The following SV2C variants were observed in gnomAD, a reference collection of about 807,000 sequenced individuals.
SV2C encodes the protein solute carrier family 22 member B3.
A neutral mutation model predicts 79.7 loss-of-function variants in SV2C; 49 were observed. The observed-to-expected ratio is 0.61, with a 90% CI of 0.49 to 0.78. The LOEUF (loss-of-function observed/expected upper bound fraction) is 0.78. SV2C is among the 30% of genes least tolerant of loss of function. The pLI is 0.00. For missense variants in SV2C, 833 were observed against 912.9 expected (o/e 0.91, Z 1.13); for synonymous variants, 334 against 333.2 (o/e 1.00, Z -0.03).
chr5:76,000,079 G>A, the SV2C span, among the ~76,000 whole-genome samples: 25 of 152,048 alleles, frequency 1.6e-4, no homozygotes, highest in Middle Eastern at 3.4e-3. Context: ...GGTTGATGTC[G>A]ACCCATATAG....
chr5:76,116,946 G>A (rs757020184), intron 1 of SV2C, among the ~76,000 whole-genome samples: 1 of 152,160 alleles, frequency 6.6e-6, no homozygotes, highest in Non-Finnish European at 1.5e-5. Context: ...AGTTGCTCCT[G>A]TACATACTTT....
the SV2C span, among the ~76,000 whole-genome samples, chr5:75,984,959 G>A: frequency 2.4e-4 from 36 of 151,968 alleles, no homozygotes; most frequent in African/African-American, 8.0e-4. Context: ...GTGCTTGATT[G>A]CTGTCTTAGT....
At chr5:76,041,780 A>C in the SV2C span, among the ~76,000 whole-genome samples, 5 of 152,200 alleles carry the variant, frequency 3.3e-5, no homozygotes, top group African/African-American at 9.7e-5. Context: ...TCCATTGTGC[A>C]TCAGGGTTGA....
chr5:75,976,296 T>G, the SV2C span, among the ~76,000 whole-genome samples: 1 of 151,506 alleles, frequency 6.6e-6, no homozygotes, highest in East Asian at 1.9e-4. Context: ...TCTCTCTTTC[T>G]CTCTCTCTCT....
At chr5:76,073,811 G>A in the SV2C span, among the ~76,000 whole-genome samples, 22 of 152,058 alleles carry the variant, frequency 1.4e-4, no homozygotes, top group Admixed American at 8.5e-4. Context: ...CACTGCTCGC[G>A]TGATGGGTGC....
the SV2C span, among the ~76,000 whole-genome samples, chr5:76,007,970 G>T: frequency 2.0e-5 from 3 of 152,146 alleles, no homozygotes. Context: ...CCTGGGTCAA[G>T]GTCCATAAAG....
the SV2C span, among the ~76,000 whole-genome samples, chr5:75,868,045 T>C: frequency 6.6e-6 from 1 of 152,184 alleles, no homozygotes; most frequent in African/African-American, 2.4e-5. Context: ...GCACAGGATA[T>C]GTGAGGAACA....
chr5:76,145,281 A>G (rs1026604789), intron 2 of SV2C, among the ~76,000 whole-genome samples: 5 of 152,234 alleles, frequency 3.3e-5, no homozygotes, highest in South Asian at 2.1e-4. Flanking sequence ...TCAATAAGGT[A>G]CTTACTTCAA....
intron 4 of SV2C, among the ~76,000 whole-genome samples, chr5:76,244,261 G>A (rs901907113): frequency 6.6e-6 from 1 of 152,198 alleles, no homozygotes; most frequent in Non-Finnish European, 1.5e-5. Context: ...GTGGATTGGG[G>A]CTGGCCACAT....
At chr5:76,000,832 AC>A in the SV2C span, among the ~76,000 whole-genome samples, 1 of 151,908 alleles carries the variant, frequency 6.6e-6, no homozygotes, top group East Asian at 1.9e-4. Flanking sequence ...AAAGAATCAC[AC>A]CTCCCTTCTC....
the SV2C span, chr5:75,910,437 C>T: frequency 1.7e-6 from 1 of 600,344 alleles, no homozygotes. Flanking sequence ...TTTGAACTTT[C>T]ATGCATCACT....
intron 4 of SV2C, among the ~76,000 whole-genome samples, chr5:76,258,847 T>A (rs1335308289): frequency 6.6e-6 from 1 of 152,226 alleles, no homozygotes; most frequent in Non-Finnish European, 1.5e-5. Context: ...GAAACCACTG[T>A]TTAATTTTTG....
the SV2C span, among the ~76,000 whole-genome samples, chr5:76,008,649 T>C: frequency 1.6e-4 from 25 of 152,244 alleles, no homozygotes; most frequent in African/African-American, 5.1e-4. Context: ...GTCCCCAGCA[T>C]CTCCCACTTG....
chr5:76,060,140 A>C, the SV2C span, among the ~76,000 whole-genome samples: 5 of 152,162 alleles, frequency 3.3e-5, no homozygotes, highest in Non-Finnish European at 7.4e-5. Context: ...GGAAGAGTAG[A>C]TTTAGCATAA....
chr5:75,955,339 C>T, the SV2C span, among the ~76,000 whole-genome samples: 1 of 149,468 alleles, frequency 6.7e-6, no homozygotes, highest in African/African-American at 2.5e-5. Context: ...ACTGGCTAGC[C>T]ATATGTAGAA....
chr5:76,347,973 C>T (rs1749573860), intron 12 of SV2C, among the ~76,000 whole-genome samples: 1 of 152,134 alleles, frequency 6.6e-6, no homozygotes, highest in South Asian at 2.1e-4. Context: ...TGGTGTTGCA[C>T]AGTCTATGGG....
rs1749044238 is a variant in SV2C, at chr5:76,327,354, G to T, written c.*1807G>T. On this transcript the variant is annotated 3_prime_UTR_variant, in exon 13 of 13. Coordinates refer to ENST00000502798, the MANE Select transcript of SV2C (RefSeq NM_014979.4). ...GAAAACCCGAACCAAAAACTGCAAA[G>T]GTGGCAGGAAGAAGAAAAATCACTG... The T allele has an allele frequency of 1.3e-5, 2 of 152,250 alleles. No homozygotes were observed. The highest frequency in any genetic ancestry group is 2.4e-5 in the African/African-American group (1 of 41,442). The allele number at this position is 152,250 out of a possible 1,614,324, so 9.4% of individuals were successfully genotyped here.
chr5:76,203,402 C>T (rs1171313173), intron 3 of SV2C, among the ~76,000 whole-genome samples: 1 of 152,212 alleles, frequency 6.6e-6, no homozygotes, highest in East Asian at 1.9e-4. Context: ...AGGCTAGATA[C>T]ATCTGCATGT....
chr5:76,112,926 A>G (rs1580275239), intron 1 of SV2C, among the ~76,000 whole-genome samples: 1 of 152,230 alleles, frequency 6.6e-6, no homozygotes, highest in African/African-American at 2.4e-5. Flanking sequence ...TAAAGAAAGA[A>G]ACTTAGAATT....
Sources: allele counts gnomAD v4.1 joint callset (sites outside exome capture counted in the v4.1 genomes callset), GRCh38; gene constraint gnomAD v4.1.1; transcripts MANE v1.5; gene names NCBI Gene and HGNC (gene_info 2026-07-23, HGNC 2026-07-21).